SPAG1: variants seen among roughly 807,000 people sequenced by gnomAD.
SPAG1 encodes sperm-associated antigen 1.
SPAG1 carries 69 observed loss-of-function variants against 100.5 expected under a neutral mutation model. The ratio of observed to expected loss-of-function variants is 0.69; its 90% CI spans 0.57 to 0.84. The LOEUF is 0.84. Ranked by LOEUF, SPAG1 falls within the 40% of genes least tolerant of loss-of-function variation. The pLI, the probability that SPAG1 is intolerant of heterozygous loss-of-function variation, is 0.00. For missense variants in SPAG1, 955 were observed against 1,133.1 expected (o/e 0.84, Z 2.26); for synonymous variants, 336 against 411.6 (o/e 0.82, Z 2.22).
At chr8:100,237,384 A>G (rs1219567901) in intron 16 of SPAG1, among the ~76,000 whole-genome samples, 3 of 152,020 alleles carry the variant, frequency 2.0e-5, no homozygotes, top group Non-Finnish European at 4.4e-5. Flanking sequence ...TCTTCCCTCT[A>G]CACTGCATGG....
intron 16 of SPAG1, among the ~76,000 whole-genome samples, chr8:100,235,289 A>AAAGGCCCTGTCTCCAAATATGGTTACATT (rs1230225952): frequency 6.6e-5 from 10 of 152,204 alleles, no homozygotes; most frequent in Non-Finnish European, 1.5e-5. Flanking sequence ...TTACCTCTTT[A>AAAGGCCCTGTCTCCAAATATGGTTACATT]AAGGCCCTGT....
At chr8:100,215,224 T>C (rs965224164) in intron 12 of SPAG1, among the ~76,000 whole-genome samples, 2 of 151,582 alleles carry the variant, frequency 1.3e-5, no homozygotes, top group Non-Finnish European at 2.9e-5. Context: ...CTTATACAGC[T>C]TCGTACCCCT....
At chr8:100,161,698 A>C (rs1177353513) in intron 1 of SPAG1, among the ~76,000 whole-genome samples, 2 of 152,324 alleles carry the variant, frequency 1.3e-5, no homozygotes, top group South Asian at 2.1e-4. Flanking sequence ...TTAGCAGGAG[A>C]CAAGATAAGG....
intron 16 of SPAG1, among the ~76,000 whole-genome samples, chr8:100,234,790 T>C (rs887107112): frequency 1.3e-5 from 2 of 152,084 alleles, no homozygotes; most frequent in Admixed American, 6.5e-5. Context: ...TAGAGGGAGA[T>C]GGTCAGATCC....
chr8:100,183,037 G>C (rs780312488), intron 4 of SPAG1, among the ~76,000 whole-genome samples: 2 of 151,764 alleles, frequency 1.3e-5, no homozygotes, highest in Admixed American at 1.3e-4. Context: ...GTAGTTGCTC[G>C]ATCTCTGCTC....
At chr8:100,238,818 G>C (rs750387783) in intron 16 of SPAG1, among the ~76,000 whole-genome samples, 8 of 152,162 alleles carry the variant, frequency 5.3e-5, no homozygotes, top group Non-Finnish European at 1.2e-4. Context: ...TTTGAATAGA[G>C]CTTTTGTTCC....
At chr8:100,174,901 T>C (rs1816035607) in intron 3 of SPAG1, among the ~76,000 whole-genome samples, 1 of 152,196 alleles carries the variant, frequency 6.6e-6, no homozygotes, top group Non-Finnish European at 1.5e-5. Context: ...TTTACTCTAT[T>C]GTAAATCCTA....
rs148527465 is a variant in SPAG1, at chr8:100,238,204, T to A, written c.2116-1036T>A. ...CATTTTTCCCCCGGTAAGGTTCCAG[T>A]GCTGGTCTAGGACAGTGGTATCTGG... On this transcript the variant is annotated intron_variant, in intron 16 of 18. Transcript: ENST00000388798. Among the ~76,000 whole-genome samples, 4 of 152,292 alleles carry A rather than the reference T, an allele frequency of 2.6e-5. No individual in the cohort carries two copies. The East Asian group carries it at 7.7e-4, about 29-fold the overall frequency.
At chr8:100,187,568 C>G (rs1455634305) in intron 8 of SPAG1, among the ~76,000 whole-genome samples, 2 of 151,968 alleles carry the variant, frequency 1.3e-5, no homozygotes, top group Non-Finnish European at 2.9e-5. Context: ...CAGTGGCTCA[C>G]ACCTATAATC....
intron 3 of SPAG1, among the ~76,000 whole-genome samples, chr8:100,172,690 A>G (rs1414442603): frequency 6.9e-6 from 1 of 145,672 alleles, no homozygotes; most frequent in African/African-American, 2.5e-5. Context: ...ATGTATGTGT[A>G]TATATATGTG....
chr8:100,225,936 A>G (rs114621799), intron 14 of SPAG1, among the ~76,000 whole-genome samples: 4,210 of 151,762 alleles, frequency 0.028, 190 homozygotes, highest in African/African-American at 0.095. Flanking sequence ...AAGCTCAAGC[A>G]ATACTCCTGC....
intron 3 of SPAG1, among the ~76,000 whole-genome samples, chr8:100,172,436 T>A (rs1263380344): frequency 1.3e-5 from 2 of 152,046 alleles, no homozygotes; most frequent in African/African-American, 4.8e-5. Context: ...CTGGCCAACA[T>A]GGTGAAACCC....
chr8:100,164,778 A>G (rs1815475756), intron 2 of SPAG1, among the ~76,000 whole-genome samples: 1 of 152,244 alleles, frequency 6.6e-6, no homozygotes, highest in South Asian at 2.1e-4. Context: ...TGACTTCATC[A>G]TAAGCTATAT....
At chr8:100,186,150 C>A (rs1419717708) in intron 7 of SPAG1, among the ~76,000 whole-genome samples, 3 of 146,656 alleles carry the variant, frequency 2.0e-5, no homozygotes, top group Non-Finnish European at 3.0e-5. Context: ...GCTGCAGCCT[C>A]AAACTCCTGG....
chr8:100,212,812 A>G (rs930616239), intron 10 of SPAG1, among the ~76,000 whole-genome samples: 12 of 152,244 alleles, frequency 7.9e-5, no homozygotes, highest in African/African-American at 2.7e-4. Context: ...GTTTTCAGCC[A>G]CAGGCCCTTC....
intron 10 of SPAG1, among the ~76,000 whole-genome samples, chr8:100,195,248 G>A (rs1238017799): frequency 6.6e-6 from 1 of 151,996 alleles, no homozygotes; most frequent in Non-Finnish European, 1.5e-5. Flanking sequence ...GGGCAGTGGA[G>A]GGGGGAGATA....
Position 100,241,382 on chromosome 8 carries a change from A to G in SPAG1, c.*360A>G, listed in dbSNP as rs1819265271. ...TTGATAGAAATGAATTTCTTGTAAC[A>G]TTCTTTTTTAAAAGTGGAAGTCATT... On this transcript the variant is annotated 3_prime_UTR_variant, in exon 19 of 19. Coordinates refer to ENST00000388798, the MANE Select transcript of SPAG1 (RefSeq NM_003114.5). The surrounding 1 kb of genome is among the most constrained non-coding windows in gnomAD (Gnocchi z 5.1). The G allele has an allele frequency of 6.4e-6, 1 of 157,388 alleles. No homozygotes were observed. Among genetic ancestry groups the G allele is most frequent in the South Asian group, 1.9e-4 (1 of 5,134 alleles). 9.7% of individuals were successfully genotyped at this position (157,388 alleles called of 1,614,324 possible).
intron 3 of SPAG1, among the ~76,000 whole-genome samples, chr8:100,168,700 T>TTTTTTTTTTTTTTTC (rs1815682221): frequency 7.7e-6 from 1 of 129,238 alleles, no homozygotes. Context: ...TTTTTTTTTG[T>TTTTTTTTTTTTTTTC]TGTTGAGACA....
At position 100,241,053 on chromosome 8, in the gene SPAG1, A is replaced by C; in HGVS notation, c.*31A>C. ...GATAATTGTTAGATTTCTTCCATGC[A>C]TGTATGTGTTCCAGGAATGTTAATG... On this transcript the variant is annotated 3_prime_UTR_variant, in exon 19 of 19. Coordinates refer to ENST00000388798, the MANE Select transcript of SPAG1 (RefSeq NM_003114.5). This position sits in a 1 kb window ranked among gnomAD's most constrained non-coding sequence, Gnocchi z 5.1. 6.2e-7 allele frequency: 1 copy of C among 1,603,138 alleles called. No individual in the cohort carries two copies. Among genetic ancestry groups the C allele is most frequent in the Non-Finnish European group, 8.5e-7 (1 of 1,174,958 alleles).
Sources: gnomAD v4.1 joint callset for allele counts (sites outside exome capture counted in the v4.1 genomes callset) on GRCh38, gnomAD v4.1.1 for gene constraint, Gnocchi (gnomAD v3.1) non-coding constraint, MANE v1.5 for transcripts, NCBI Gene and HGNC (gene_info 2026-07-23, HGNC 2026-07-21) for gene names.